The following ABCA13 variants were observed in gnomAD, a reference collection of about 807,000 sequenced individuals.
ABCA13 encodes the protein ATP binding cassette subfamily A member 13, also known as ATP-binding cassette sub-family A member 13.
ABCA13 carries 476 observed loss-of-function variants against 478.7 expected under a neutral mutation model. The observed-to-expected ratio is 0.99, with a 90% CI of 0.92 to 1.07. The LOEUF (loss-of-function observed/expected upper bound fraction) is 1.07. ABCA13 is among the 50% of genes least tolerant of loss of function. The pLI is 0.00. For synonymous variants in ABCA13, 2,252 were observed against 2,158.9 expected, an observed-to-expected ratio of 1.04 and a Z score of -1.20; for missense variants, 6,060 against 5,910.6, an observed-to-expected ratio of 1.03 and a Z score of -0.83.
At chr7:48,588,064 T>C (rs10499684) in intron 57 of ABCA13, among the ~76,000 whole-genome samples, 19,011 of 152,120 alleles carry the variant, frequency 0.12, 1,403 homozygotes, top group East Asian at 0.18. Context: ...TTTTTCTATC[T>C]TTCTTCATCA....
intron 57 of ABCA13, among the ~76,000 whole-genome samples, chr7:48,592,755 C>G (rs1789886348): frequency 6.6e-6 from 1 of 151,872 alleles, no homozygotes; most frequent in South Asian, 2.1e-4. Context: ...ATATAGTACT[C>G]TAATGTTTAG....
At chr7:48,525,690 TTTTG>T (rs1219347380) in intron 54 of ABCA13, among the ~76,000 whole-genome samples, 12 of 145,886 alleles carry the variant, frequency 8.2e-5, no homozygotes, top group African/African-American at 2.3e-4. Flanking sequence ...TTTTTTTTTT[TTTTG>T]AGTTATTATC....
At chr7:48,264,391 C>T (rs990179260) in intron 15 of ABCA13, among the ~76,000 whole-genome samples, 2 of 151,900 alleles carry the variant, frequency 1.3e-5, no homozygotes, top group African/African-American at 4.8e-5. Context: ...CCCTTTTACA[C>T]TCCCATTGGC....
chr7:48,268,111 G>A lies in ABCA13; in HGVS notation c.2006-869G>A, dbSNP rs181679178. ...CTGATGGAAACAAAGTGTATTGCTGGTCCTGAGCACCAGAAACGGTTATCT... is the reference window on the plus strand; with the variant it reads ...CTGATGGAAACAAAGTGTATTGCTGATCCTGAGCACCAGAAACGGTTATCT... On this transcript the variant is annotated intron_variant, in intron 15 of 61. Coordinates refer to ENST00000435803, the MANE Select transcript of ABCA13 (RefSeq NM_152701.5). Among the ~76,000 whole-genome samples the A allele has an allele frequency of 2.2e-3, 339 of 152,046 alleles. 1 individual carries two copies. The highest frequency in any genetic ancestry group is 7.7e-3 in the African/African-American group (319 of 41,490).
intron 15 of ABCA13, among the ~76,000 whole-genome samples, chr7:48,255,633 A>G (rs894301798): frequency 5.2e-4 from 79 of 152,332 alleles, no homozygotes; most frequent in African/African-American, 1.8e-3. Flanking sequence ...TGCAAAGGAC[A>G]TGATTTCATT....
intron 55 of ABCA13, among the ~76,000 whole-genome samples, chr7:48,570,726 A>G (rs1324623890): frequency 6.6e-6 from 1 of 152,194 alleles, no homozygotes; most frequent in Non-Finnish European, 1.5e-5. Flanking sequence ...CTGCCAATCT[A>G]TGAATTTGTT....
At chr7:48,269,262 A>G (rs1308994012) in intron 16 of ABCA13, among the ~76,000 whole-genome samples, 168 bp downstream of exon 16, 1 of 152,168 alleles carries the variant, frequency 6.6e-6, no homozygotes, top group Admixed American at 6.5e-5. Flanking sequence ...AGAGTGTGTG[A>G]CTCAAGTATC....
At chr7:48,299,338 T>A (rs901125220) in intron 23 of ABCA13, among the ~76,000 whole-genome samples, 2 of 152,192 alleles carry the variant, frequency 1.3e-5, no homozygotes, top group Non-Finnish European at 2.9e-5. Flanking sequence ...ACGGGTGGAC[T>A]AATGAAGAAT....
intron 55 of ABCA13, among the ~76,000 whole-genome samples, chr7:48,576,216 A>C (rs1459620072): frequency 1.3e-5 from 2 of 152,130 alleles, no homozygotes; most frequent in Non-Finnish European, 2.9e-5. Context: ...ATATAGAAAA[A>C]CGACTGTACT....
At chr7:48,300,377 C>T (rs1211168734) in intron 23 of ABCA13, among the ~76,000 whole-genome samples, 2 of 152,246 alleles carry the variant, frequency 1.3e-5, no homozygotes, top group Non-Finnish European at 2.9e-5. Flanking sequence ...GGGCTCAAAG[C>T]CCGTGCTCCA....
chr7:48,204,586 C>T (rs1432592192), intron 3 of ABCA13, among the ~76,000 whole-genome samples: 1 of 152,164 alleles, frequency 6.6e-6, no homozygotes, highest in Non-Finnish European at 1.5e-5. Context: ...AGGATTCCTT[C>T]TGTGCCTGCC....
intron 1 of ABCA13, among the ~76,000 whole-genome samples, chr7:48,184,610 T>G (rs149965847): frequency 0.66 from 100,141 of 151,872 alleles, 34,663 homozygotes; most frequent in Non-Finnish European, 0.79. Context: ...ACTTGAGGTA[T>G]GGAGTTCAAG....
At chr7:48,253,791 T>C (rs368936280) in intron 15 of ABCA13, among the ~76,000 whole-genome samples, 1 of 152,222 alleles carries the variant, frequency 6.6e-6, no homozygotes, top group Non-Finnish European at 1.5e-5. Flanking sequence ...GAATGTTTCT[T>C]CATATTTATC....
At chr7:48,419,945 A>G (rs1236618960) in intron 41 of ABCA13, among the ~76,000 whole-genome samples, 1 of 152,330 alleles carries the variant, frequency 6.6e-6, no homozygotes, top group East Asian at 1.9e-4. Context: ...CTTAAATTGG[A>G]AAAAGATTGG....
chr7:48,583,756 A>G (rs1788920423), intron 56 of ABCA13, among the ~76,000 whole-genome samples: 1 of 152,244 alleles, frequency 6.6e-6, no homozygotes, highest in African/African-American at 2.4e-5. Flanking sequence ...TATTTTGCCA[A>G]CTGAGATTGC....
At chr7:48,288,179 C>T (rs1798027369) in intron 20 of ABCA13, 101 bp downstream of exon 20, 1 of 1,050,196 alleles carries the variant, frequency 9.5e-7, no homozygotes, top group African/African-American at 1.6e-5. Context: ...CTTATAACTA[C>T]AGCAATGGTG....
rs1450384305 is a variant in ABCA13, at chr7:48,516,797, T to G, written c.13713T>G (p.Tyr4571Ter). The G allele has an allele frequency of 1.2e-6, 2 of 1,613,882 alleles. No homozygotes were observed. Among genetic ancestry groups the G allele is most frequent in the South Asian group, 2.2e-5 (2 of 91,080 alleles). The part of the protein sequence containing the change: ...FSSSDVAFIS[Y>*]VSLNFIFGLC... ...GTTCGGACGTGGCTTTCATTTCCTA[T>G]GTCTCACTAAACTTCATCTTTGGCC... Residue 4571 changes from tyrosine to a stop codon, truncating the protein, a stop_gained, in exon 52 of 62, where the codon TAT becomes TAG. Coordinates refer to ENST00000435803, the MANE Select transcript of ABCA13 (RefSeq NM_152701.5). LOFTEE classifies it high-confidence loss of function.
chr7:48,387,206 G>T (rs73099332), intron 35 of ABCA13, among the ~76,000 whole-genome samples: 2,073 of 152,068 alleles, frequency 0.014, 28 homozygotes, highest in Non-Finnish European at 0.019. Context: ...AACTAGAATG[G>T]ATGTGTTAAA....
chr7:48,423,304 T>TA lies in ABCA13; in HGVS notation c.12460-4462_12460-4461insA, dbSNP rs536235024. On this transcript the variant is annotated intron_variant, in intron 41 of 61. Transcript: ENST00000435803. The stretch of plus-strand genomic sequence containing the variant: ...GAGTACATCTTATGTGACATGTAGG[T>TA]CAAGTTTGGAAATTCTTCCTCTGCT... 3.3e-4 allele frequency among the ~76,000 whole-genome samples: 51 copies of TA among 152,328 alleles called. 1 individual carries two copies. In the South Asian group the frequency reaches 7.5e-3, roughly 22 times the overall value.
Sources: gnomAD v4.1 joint callset for allele counts (sites outside exome capture counted in the v4.1 genomes callset) on GRCh38, gnomAD v4.1.1 for gene constraint, MANE v1.5 for transcripts, NCBI Gene and HGNC (gene_info 2026-07-23, HGNC 2026-07-21) for gene names.